The following NUP214 variants were observed in gnomAD, a reference collection of about 807,000 sequenced individuals.
NUP214 encodes nucleoporin 214.
In NUP214, 79 loss-of-function variants were observed where a neutral mutation model predicts 196.2. That is an observed-to-expected ratio of 0.40 (90% CI 0.34 to 0.49). The LOEUF is 0.49. Among genes scored for constraint, NUP214 ranks in the 20% least tolerant of loss-of-function variants. The pLI is 0.58. For missense variants in NUP214, 2,468 were observed against 2,539.0 expected (o/e 0.97, Z 0.60); for synonymous variants, 1,020 against 990.5 (o/e 1.03, Z -0.56).
intron 30 of NUP214, among the ~76,000 whole-genome samples, chr9:131,213,023 G>GT (rs964918397): frequency 6.6e-6 from 1 of 152,060 alleles, no homozygotes; most frequent in Non-Finnish European, 1.5e-5. Flanking sequence ...ATAATTTTAT[G>GT]TTTTAAAGCC....
chr9:131,153,441 G>T (rs556369587), intron 17 of NUP214: 2 of 151,946 alleles, frequency 1.3e-5, no homozygotes, highest in South Asian at 2.1e-4. Flanking sequence ...TTCCTGATGC[G>T]TCCTCTTTCC....
chr9:131,178,019 T>C (rs775342975), intron 23 of NUP214, among the ~76,000 whole-genome samples: 3 of 152,168 alleles, frequency 2.0e-5, no homozygotes, highest in Non-Finnish European at 2.9e-5. Flanking sequence ...AGACCAGCAG[T>C]GTGGCAGGTG....
rs765350084 is a variant in NUP214, at chr9:131,234,411, T to C, written c.*924T>C. ...CGGCCCAGAGCTCATCACTGCAGTTTTATTAGAGTGCTTCTTTATCTTTAA... is the reference window on the plus strand; with the variant it reads ...CGGCCCAGAGCTCATCACTGCAGTTCTATTAGAGTGCTTCTTTATCTTTAA... On this transcript the variant is annotated 3_prime_UTR_variant, in exon 36 of 36. Transcript: ENST00000359428. 6.5e-5 allele frequency: 15 copies of C among 232,300 alleles called. No homozygotes were observed. Among genetic ancestry groups the C allele is most frequent in the Non-Finnish European group, 1.2e-4 (14 of 117,576 alleles). 14.4% of individuals were successfully genotyped at this position (232,300 alleles called of 1,614,324 possible).
chr9:131,140,472 T>C (rs1175706470), intron 10 of NUP214, 77 bp from the exon 11 acceptor site: 2 of 1,268,314 alleles, frequency 1.6e-6, no homozygotes, highest in Non-Finnish European at 2.2e-6. Flanking sequence ...CTCTTCATGT[T>C]GAGGGCAGTC....
rs1401673872 is a variant in NUP214 at position 131,223,742 on chromosome 9, T to A, written c.5902+812T>A. ...TTATTTATTTATTTTTTTTTTTTTT[T>A]TTTTTTTTTTGAGACGGAGTCTCGC... On this transcript the variant is annotated intron_variant, in intron 32 of 35. Coordinates refer to ENST00000359428, the MANE Select transcript of NUP214 (RefSeq NM_005085.4). Among the ~76,000 whole-genome samples, 25 of 52,580 alleles carry A rather than the reference T, an allele frequency of 4.8e-4. 3 individuals carry two copies. The highest frequency in any genetic ancestry group is 1.4e-3 in the African/African-American group (25 of 17,524). The allele number at this position is 52,580 out of a possible 152,430, so 34.5% of individuals were successfully genotyped here.
rs770472539 is a variant in NUP214, at chr9:131,197,412, C to G, written c.3918C>G (p.Thr1306=). 2.0e-5 allele frequency: 32 copies of G among 1,614,070 alleles called. No individual in the cohort carries two copies. Among genetic ancestry groups the G allele is most frequent in the Middle Eastern group, 1.6e-4 (1 of 6,084 alleles). The change falls in exon 29 of 36, where the codon ACC becomes ACG. Residue 1306 remains threonine (T), a synonymous_variant. Transcript: ENST00000359428. The part of the protein sequence containing the change: ...VAPSGTALST[T]SSKLETPPSK... The stretch of plus-strand genomic sequence containing the variant: ...CTTCTGGAACTGCTCTTTCCACCAC[C>G]TCTAGTAAGCTGGAAACCCCACCGT...
intron 11 of NUP214, 30 bp from the exon 12 acceptor site, chr9:131,144,250 A>T: frequency 2.6e-6 from 4 of 1,544,786 alleles, no homozygotes; most frequent in Non-Finnish European, 3.6e-6. Context: ...TACAGTGTTA[A>T]CATTTTCCTT....
chr9:131,204,039 C>CG (rs147335394), intron 30 of NUP214, among the ~76,000 whole-genome samples: 3,809 of 152,238 alleles, frequency 0.025, 58 homozygotes, highest in Non-Finnish European at 0.029. Context: ...GCAGAGGCAG[C>CG]GCAGGCCCAC....
In NUP214 at chr9:131,234,122, CGCCTTAGCCG is replaced by C. The variant is rs1409037154; in HGVS notation, c.*641_*650del. The C allele has an allele frequency of 4.3e-6, 1 of 233,546 alleles. No homozygotes were observed. Among genetic ancestry groups the C allele is most frequent in the Non-Finnish European group, 8.5e-6 (1 of 118,282 alleles). 14.5% of individuals were successfully genotyped at this position (233,546 alleles called of 1,614,324 possible). Reference sequence around the variant, plus strand: ...GCCAGCGTGAGGCAGGACAGTGCTGCGCCTTAGCCGGCCTTGGCTCTCATCTCCATGTGGC... The same window carrying C: ...GCCAGCGTGAGGCAGGACAGTGCTGCGCCTTGGCTCTCATCTCCATGTGGC... On this transcript the variant is annotated 3_prime_UTR_variant, in exon 36 of 36. Transcript: ENST00000359428.
chr9:131,139,835 A>G (rs1052628838), intron 10 of NUP214, among the ~76,000 whole-genome samples: 1 of 152,206 alleles, frequency 6.6e-6, no homozygotes, highest in Non-Finnish European at 1.5e-5. Context: ...CCTCAGGCCC[A>G]TGGTTTCCAA....
chr9:131,184,636 T>C (rs1833399434), intron 24 of NUP214, among the ~76,000 whole-genome samples: 1 of 152,146 alleles, frequency 6.6e-6, no homozygotes, highest in Admixed American at 6.5e-5. Context: ...GTGCCTGGCC[T>C]ATTTTTTCAT....
intron 27 of NUP214, among the ~76,000 whole-genome samples, chr9:131,194,732 A>G (rs1039290332): frequency 4.6e-5 from 7 of 152,124 alleles, no homozygotes; most frequent in South Asian, 2.1e-4. Flanking sequence ...TAGGGCTTCT[A>G]TTTCATTGTA....
chr9:131,156,483 A>G (rs922985531), intron 17 of NUP214, among the ~76,000 whole-genome samples: 14 of 149,714 alleles, frequency 9.4e-5, no homozygotes, highest in Admixed American at 2.7e-4. Context: ...TGTGTCGTCT[A>G]TGATTTCTTT....
At position 131,147,285 on chromosome 9, in the gene NUP214, G is replaced by T. The variant is rs74472932; in HGVS notation, c.1946-205G>T. 7.7e-3 allele frequency among the ~76,000 whole-genome samples: 1,166 copies of T among 152,214 alleles called. 11 individuals carry two copies. The highest frequency in any genetic ancestry group is 0.026 in the African/African-American group (1,086 of 41,524). On this transcript the variant is annotated intron_variant, in intron 13 of 35. Transcript: ENST00000359428. ...TTACAGGTTTGAGCCACCATACCTGGCTCCTAAAATTTTAATATATTTTTT... is the reference window on the plus strand; with the variant it reads ...TTACAGGTTTGAGCCACCATACCTGTCTCCTAAAATTTTAATATATTTTTT...
rs1390476318 is a variant in NUP214 at position 131,228,211 on chromosome 9, C to T, written c.5954C>T (p.Ser1985Phe). 5.6e-6 allele frequency: 9 copies of T among 1,604,740 alleles called. No homozygotes were observed. The highest frequency in any genetic ancestry group is 7.6e-6 in the Non-Finnish European group (9 of 1,176,510). ...VFGSPPTFGG[S>F]PGFGGVPAFG... ...GGCAGCCCTCCTACTTTTGGGGGAT[C>T]CCCTGGGTTTGGAGGGGTGCCAGCA... The change falls in exon 33 of 36, where the codon TCC (serine) becomes TTC (phenylalanine). Residue 1985 changes from serine (S) to phenylalanine (F), a missense_variant. Ser to Phe is a radical substitution (Grantham distance 155). This residue lies in a region of NUP214 where 262 missense variants were observed against 296.5 expected (regional missense o/e 0.88). Transcript: ENST00000359428.
Position 131,233,494 on chromosome 9 carries a change from G to A in NUP214, c.*7G>A, listed in dbSNP as rs762180788. ...TGGTGGCTGGCGAAGCTGAGGGCGTGTCAGCAGGCCTTTCGATCCCTGGGA... is the reference window on the plus strand; with the variant it reads ...TGGTGGCTGGCGAAGCTGAGGGCGTATCAGCAGGCCTTTCGATCCCTGGGA... On this transcript the variant is annotated 3_prime_UTR_variant, in exon 36 of 36. Coordinates refer to ENST00000359428, the MANE Select transcript of NUP214 (RefSeq NM_005085.4). 15 of 1,613,750 alleles carry A rather than the reference G, an allele frequency of 9.3e-6. No individual in the cohort carries two copies. The highest frequency in any genetic ancestry group is 1.7e-6 in the Non-Finnish European group (2 of 1,179,906).
chr9:131,150,739 CT>C lies in NUP214; in HGVS notation c.2255del (p.Leu752TrpfsTer14). On this transcript the variant is annotated frameshift_variant, in exon 16 of 36. Transcript: ENST00000359428. LOFTEE classifies it high-confidence loss of function. ...RTESDDLHTF[L>X]LEIKETTESL... ...AGAATCAGATGACTTGCATACCTTTCTTTTGGAGATTAAAGAGACCACAGAG... is the reference window on the plus strand; with the variant it reads ...AGAATCAGATGACTTGCATACCTTTCTTTGGAGATTAAAGAGACCACAGAG... The C allele has an allele frequency of 1.9e-6, 3 of 1,613,308 alleles. No homozygotes were observed. The highest frequency in any genetic ancestry group is 2.5e-6 in the Non-Finnish European group (3 of 1,179,780).
At chr9:131,133,495 A>C in intron 7 of NUP214, 1 of 210,892 alleles carries the variant, frequency 4.7e-6, no homozygotes, top group Non-Finnish European at 9.3e-6. Context: ...GTAGAGATGG[A>C]GTTTCACCAT....
chr9:131,229,244 A>T (rs1834805587), intron 33 of NUP214: 1 of 160,048 alleles, frequency 6.2e-6, no homozygotes, highest in Non-Finnish European at 1.4e-5. Context: ...TCCGTGCAAG[A>T]TGCTGGAGCG....
Sources: allele counts gnomAD v4.1 joint callset (sites outside exome capture counted in the v4.1 genomes callset), GRCh38; gene constraint gnomAD v4.1.1; regional missense constraint gnomAD v4.1.1; transcripts MANE v1.5; gene names NCBI Gene and HGNC (gene_info 2026-07-23, HGNC 2026-07-21).